PDE1C: variants seen among roughly 807,000 people sequenced by gnomAD.
PDE1C encodes the protein phosphodiesterase 1C.
A neutral mutation model predicts 93.1 loss-of-function variants in PDE1C; 62 were observed. The observed-to-expected ratio is 0.67, with a 90% CI of 0.54 to 0.82. The LOEUF is 0.82. PDE1C is among the 40% of genes least tolerant of loss of function. The pLI, the probability that PDE1C is intolerant of heterozygous loss-of-function variation, is 0.00. For missense variants in PDE1C, 742 were observed against 884.6 expected, an observed-to-expected ratio of 0.84 and a Z score of 2.04; for synonymous variants, 325 against 310.1, an observed-to-expected ratio of 1.05 and a Z score of -0.50.
intron 16 of PDE1C, among the ~76,000 whole-genome samples, chr7:31,795,109 G>C (rs1213929222): frequency 6.6e-6 from 1 of 151,926 alleles, no homozygotes. Flanking sequence ...AAAATGCAAA[G>C]AGGGGAAGCT....
At chr7:32,244,277 C>T (rs899743935) in intron 1 of PDE1C, among the ~76,000 whole-genome samples, 2 of 152,090 alleles carry the variant, frequency 1.3e-5, no homozygotes, top group African/African-American at 4.8e-5. Context: ...GGCCCTGGGA[C>T]AATTGGTAGG....
chr7:32,020,932 C>A (rs1335220675), intron 2 of PDE1C, among the ~76,000 whole-genome samples: 1 of 152,166 alleles, frequency 6.6e-6, no homozygotes, highest in Non-Finnish European at 1.5e-5. Flanking sequence ...ATAGTTGGGG[C>A]AGCCATATTT....
chr7:32,360,631 C>T (rs527679068), intron 1 of PDE1C, among the ~76,000 whole-genome samples: 1 of 152,338 alleles, frequency 6.6e-6, no homozygotes, highest in African/African-American at 2.4e-5. Context: ...AGGGACCACA[C>T]TTGGTTTTGA....
chr7:32,296,980 C>T (rs1812636864), intron 1 of PDE1C, among the ~76,000 whole-genome samples: 1 of 152,158 alleles, frequency 6.6e-6, no homozygotes, highest in Non-Finnish European at 1.5e-5. Context: ...CAACGGAGAA[C>T]TCAGGGACTG....
rs561908442 is a variant in PDE1C at position 31,840,181 on chromosome 7, T to C, written c.981-2210A>G. 1.2e-3 allele frequency among the ~76,000 whole-genome samples: 185 copies of C among 152,332 alleles called. 1 individual carries two copies. The highest frequency in any genetic ancestry group is 4.0e-3 in the African/African-American group (165 of 41,590). ...TTCAGCCATTCTTCTGATGGATATG[T>C]AGTGTTATCTCATCTTGGTTTTAAT... is the stretch of plus-strand genomic sequence containing the variant. On this transcript the variant is annotated intron_variant, in intron 9 of 17. Transcript: ENST00000396191.
chr7:31,855,181 A>C (rs1793859692), intron 7 of PDE1C, among the ~76,000 whole-genome samples: 1 of 151,940 alleles, frequency 6.6e-6, no homozygotes, highest in African/African-American at 2.4e-5. Context: ...GGCTGACATC[A>C]AGGTTGGGAA....
At position 31,958,209 on chromosome 7, in the gene PDE1C, A is replaced by C. The variant is rs150802020; in HGVS notation, c.129-77349T>G. Among the ~76,000 whole-genome samples the C allele has an allele frequency of 8.2e-3, 1,245 of 152,332 alleles. 14 individuals carry two copies. The highest frequency in any genetic ancestry group is 0.028 in the African/African-American group (1,164 of 41,574). On this transcript the variant is annotated intron_variant, in intron 2 of 17. Transcript: ENST00000396191. ...TTGACCTCAGTTTCCGCTTCCAAGC[A>C]TGTGCCGTTTTCCAGGGCTCGTCAA...
intron 3 of PDE1C, among the ~76,000 whole-genome samples, chr7:32,164,124 A>T (rs959577025): frequency 4.6e-5 from 7 of 152,192 alleles, no homozygotes; most frequent in Non-Finnish European, 8.8e-5. Flanking sequence ...CTATTGCATC[A>T]GTTGGAGCTT....
At chr7:31,692,469 C>G in the PDE1C span, 1 of 1,612,020 alleles carries the variant, frequency 6.2e-7, no homozygotes, top group South Asian at 1.1e-5. Flanking sequence ...AATGCAGCCA[C>G]TGGAACTCTC....
the PDE1C span, among the ~76,000 whole-genome samples, chr7:31,646,716 AG>A: frequency 6.6e-6 from 1 of 152,110 alleles, no homozygotes; most frequent in Admixed American, 6.6e-5. Flanking sequence ...TGCAGAAAAC[AG>A]GGAGGTTTTG....
chr7:32,142,752 C>T (rs1403756631), intron 3 of PDE1C, among the ~76,000 whole-genome samples: 8 of 152,068 alleles, frequency 5.3e-5, no homozygotes, highest in African/African-American at 9.7e-5. Context: ...CCTGAGTCCC[C>T]GGTTGGAGGT....
chr7:31,800,793 T>C (rs1040078512), intron 16 of PDE1C, among the ~76,000 whole-genome samples: 5 of 151,570 alleles, frequency 3.3e-5, no homozygotes, highest in South Asian at 2.1e-4. Context: ...AGGATTTTAA[T>C]TGAGATTGTA....
chr7:32,299,453 T>C, upstream of PDE1C: 8 of 975,034 alleles, frequency 8.2e-6, no homozygotes, highest in Non-Finnish European at 9.8e-6. Flanking sequence ...GGAGGCTCTA[T>C]GATGTGAAAT....
At chr7:32,077,447 G>A (rs897863406) in intron 3 of PDE1C, among the ~76,000 whole-genome samples, 7 of 152,098 alleles carry the variant, frequency 4.6e-5, no homozygotes, top group East Asian at 3.9e-4. Context: ...TAGATATACC[G>A]ATAATTTTCT....
chr7:31,997,671 C>T (rs141494834), intron 2 of PDE1C, among the ~76,000 whole-genome samples: 1 of 152,266 alleles, frequency 6.6e-6, no homozygotes, highest in East Asian at 1.9e-4. Flanking sequence ...TCAAAGATAA[C>T]TTGATATTTG....
rs548125686 is a variant in PDE1C, at chr7:31,904,360, T to TA, written c.129-23501dup. Among the ~76,000 whole-genome samples, 827 of 148,518 alleles carry TA rather than the reference T, an allele frequency of 5.6e-3. 4 individuals carry two copies. Among genetic ancestry groups the TA allele is most frequent in the African/African-American group, 0.011 (439 of 40,658 alleles). ...AAATTTGCGAGCAAATCACCCAAAA[T>TA]AAAAAAAAAATCTATATACAATTTT... On this transcript the variant is annotated intron_variant, in intron 2 of 17. Coordinates refer to ENST00000396191, the MANE Select transcript of PDE1C (RefSeq NM_001191057.4).
In PDE1C at chr7:31,789,979, G is replaced by C. The variant is rs573288952; in HGVS notation, c.1892-14247C>G. ...GCCCCTTCATGTTTTGTTTCTGTTT[G>C]AGTAAAAATCTCACGTTGTTTGTTT... On this transcript the variant is annotated intron_variant, in intron 16 of 17. Transcript: ENST00000396191. The C allele has an allele frequency of 2.7e-5, 34 of 1,247,374 alleles. No individual in the cohort carries two copies. The South Asian group carries it at 3.7e-4, about 14-fold the overall frequency. The allele number at this position is 1,247,374 out of a possible 1,614,324, so 77.3% of individuals were successfully genotyped here.
At chr7:32,420,723 ATTTTT>A (rs61479721) in intron 1 of PDE1C, among the ~76,000 whole-genome samples, 15,135 of 151,066 alleles carry the variant, frequency 0.1, 875 homozygotes, top group African/African-American at 0.15. Context: ...TGGTTAAAAT[ATTTTT>A]TTTAAGTATC....
chr7:31,772,033 G>A (rs1217775617), intron 17 of PDE1C, among the ~76,000 whole-genome samples: 7 of 146,250 alleles, frequency 4.8e-5, no homozygotes, highest in African/African-American at 1.8e-4. Context: ...GCGAAAGAGC[G>A]GGACTCCGTC....
Sources: gnomAD v4.1 joint callset for allele counts (sites outside exome capture counted in the v4.1 genomes callset) on GRCh38, gnomAD v4.1.1 for gene constraint, MANE v1.5 for transcripts, NCBI Gene and HGNC (gene_info 2026-07-23, HGNC 2026-07-21) for gene names.